The following SYNDIG1L variants were observed in gnomAD, a reference collection of about 807,000 sequenced individuals.
The protein encoded by SYNDIG1L is synapse differentiation-inducing gene protein 1-like.
In SYNDIG1L, 13 loss-of-function variants were observed where a neutral mutation model predicts 20.1. The ratio of observed to expected loss-of-function variants is 0.65; its 90% CI spans 0.42 to 1.03. SYNDIG1L has a LOEUF of 1.03. Among genes scored for constraint, SYNDIG1L ranks in the 50% least tolerant of loss-of-function variants. The pLI, the probability that SYNDIG1L is intolerant of heterozygous loss-of-function variation, is 0.00. For synonymous variants in SYNDIG1L, 128 were observed against 129.3 expected (o/e 0.99, Z 0.07); for missense variants, 294 against 305.1 (o/e 0.96, Z 0.27).
intron 1 of SYNDIG1L, among the ~76,000 whole-genome samples, chr14:74,422,411 C>T (rs189963898): frequency 5.9e-5 from 9 of 152,102 alleles, no homozygotes; most frequent in Non-Finnish European, 1.0e-4. Flanking sequence ...TTGGAAAATG[C>T]AGGTTTAGAG....
the SYNDIG1L span, among the ~76,000 whole-genome samples, chr14:74,449,572 A>G: frequency 6.7e-6 from 1 of 149,542 alleles, no homozygotes; most frequent in African/African-American, 2.5e-5. Flanking sequence ...TGATTGTGCC[A>G]CTGTATTTTA....
intron 1 of SYNDIG1L, among the ~76,000 whole-genome samples, chr14:74,423,080 T>A (rs2086236784): frequency 6.6e-6 from 1 of 152,040 alleles, no homozygotes; most frequent in Non-Finnish European, 1.5e-5. Context: ...CCCAATCATG[T>A]GCCATATGCC....
chr14:74,464,912 AGC>A, the SYNDIG1L span, among the ~76,000 whole-genome samples: 1 of 152,212 alleles, frequency 6.6e-6, no homozygotes, highest in South Asian at 2.1e-4. Flanking sequence ...ATGGCAAAGC[AGC>A]ATGTGGCAGC....
chr14:74,478,570 G>A, the SYNDIG1L span, among the ~76,000 whole-genome samples: 1 of 152,164 alleles, frequency 6.6e-6, no homozygotes, highest in Admixed American at 6.5e-5. Flanking sequence ...AGAGGAGTAT[G>A]CAGGGTGGGT....
intron 1 of SYNDIG1L, among the ~76,000 whole-genome samples, chr14:74,416,882 C>T (rs2086180116): frequency 6.6e-6 from 1 of 152,172 alleles, no homozygotes; most frequent in South Asian, 2.1e-4. Flanking sequence ...TCATCATCAT[C>T]TGCATTTTAC....
chr14:74,433,128 A>C, the SYNDIG1L span, among the ~76,000 whole-genome samples: 1 of 152,086 alleles, frequency 6.6e-6, no homozygotes, highest in African/African-American at 2.4e-5. Context: ...AATCATTGAG[A>C]TCTCTAACCC....
At chr14:74,459,556 T>C in the SYNDIG1L span, among the ~76,000 whole-genome samples, 1 of 152,182 alleles carries the variant, frequency 6.6e-6, no homozygotes, top group Non-Finnish European at 1.5e-5. Flanking sequence ...TGTGAGGACT[T>C]GTTCTTACTT....
At chr14:74,459,070 C>T in the SYNDIG1L span, among the ~76,000 whole-genome samples, 1 of 152,118 alleles carries the variant, frequency 6.6e-6, no homozygotes, top group East Asian at 1.9e-4. Context: ...CAGCTTGGAG[C>T]TCTGAGAGCA....
intron 1 of SYNDIG1L, among the ~76,000 whole-genome samples, chr14:74,410,270 G>A (rs543568745): frequency 6.6e-6 from 1 of 152,322 alleles, no homozygotes; most frequent in South Asian, 2.1e-4. Context: ...CCCAGGGAAG[G>A]CCTTAGAGCT....
chr14:74,414,336 T>C (rs1161073469), intron 1 of SYNDIG1L, among the ~76,000 whole-genome samples: 1 of 152,166 alleles, frequency 6.6e-6, no homozygotes, highest in Non-Finnish European at 1.5e-5. Flanking sequence ...TTGCTCCAAA[T>C]TGTGCAGCTG....
the SYNDIG1L span, among the ~76,000 whole-genome samples, chr14:74,435,490 T>A: frequency 6.6e-6 from 1 of 152,144 alleles, no homozygotes; most frequent in African/African-American, 2.4e-5. Flanking sequence ...CAACAGCTGG[T>A]TGGCAGGGGA....
At chr14:74,451,916 G>C in the SYNDIG1L span, among the ~76,000 whole-genome samples, 2 of 146,658 alleles carry the variant, frequency 1.4e-5, no homozygotes, top group South Asian at 4.3e-4. Context: ...CTTGAACCCA[G>C]GAGGCGGAGG....
At chr14:74,425,481 C>A (rs2086257063) in intron 1 of SYNDIG1L, among the ~76,000 whole-genome samples, 1 of 152,214 alleles carries the variant, frequency 6.6e-6, no homozygotes, top group East Asian at 1.9e-4. Flanking sequence ...CAGGGGGTAC[C>A]ACAGCCACCT....
chr14:74,426,594 T>C (rs946026466), upstream of SYNDIG1L, among the ~76,000 whole-genome samples: 5 of 152,222 alleles, frequency 3.3e-5, no homozygotes, highest in African/African-American at 7.2e-5. Flanking sequence ...AAAGCATTTA[T>C]TGAGCACCTA....
At chr14:74,411,965 A>T (rs1334639519) in intron 1 of SYNDIG1L, among the ~76,000 whole-genome samples, 1 of 152,152 alleles carries the variant, frequency 6.6e-6, no homozygotes, top group African/African-American at 2.4e-5. Context: ...GGCCCTGCTG[A>T]TGCATTAACC....
chr14:74,475,290 C>T, the SYNDIG1L span, among the ~76,000 whole-genome samples: 1 of 151,098 alleles, frequency 6.6e-6, no homozygotes, highest in African/African-American at 2.4e-5. Flanking sequence ...ACTTTGCATC[C>T]CCCATCTCAT....
At chr14:74,448,615 T>G in the SYNDIG1L span, among the ~76,000 whole-genome samples, 1 of 152,208 alleles carries the variant, frequency 6.6e-6, no homozygotes, top group Non-Finnish European at 1.5e-5. Context: ...TTTACCAAGA[T>G]AGACCATATT....
At chr14:74,439,037 C>T in the SYNDIG1L span, among the ~76,000 whole-genome samples, 2 of 151,290 alleles carry the variant, frequency 1.3e-5, no homozygotes. Context: ...TCACTTGAAC[C>T]CGGGAGGCAG....
At position 74,407,182 on chromosome 14, in the gene SYNDIG1L, G is replaced by A. The variant is rs2086089812; in HGVS notation, c.*353C>T. The A allele has an allele frequency of 9.8e-6, 3 of 307,024 alleles. No homozygotes were observed. The highest frequency in any genetic ancestry group is 1.2e-5 in the Non-Finnish European group (2 of 164,018). The allele number at this position is 307,024 out of a possible 1,614,324, so 19.0% of individuals were successfully genotyped here. On this transcript the variant is annotated 3_prime_UTR_variant, in exon 4 of 4. Coordinates refer to ENST00000331628, the MANE Select transcript of SYNDIG1L (RefSeq NM_001105579.2). ...CCTCCTGCTCTTTCTCTGTGGGGAG[G>A]TTGGCAGGGTAGGTGGTGGGCTGGC...
Sources: gnomAD v4.1 joint callset for allele counts (sites outside exome capture counted in the v4.1 genomes callset) on GRCh38, gnomAD v4.1.1 for gene constraint, MANE v1.5 for transcripts, NCBI Gene and HGNC (gene_info 2026-07-23, HGNC 2026-07-21) for gene names.